C1GALT1: variants seen among roughly 807,000 people sequenced by gnomAD.
The protein encoded by C1GALT1 is glycoprotein-N-acetylgalactosamine 3-beta-galactosyltransferase 1.
A neutral mutation model predicts 31.0 loss-of-function variants in C1GALT1; 11 were observed. The ratio of observed to expected loss-of-function variants is 0.36; its 90% CI spans 0.22 to 0.59. The LOEUF is 0.59. Ranked by LOEUF, C1GALT1 falls within the 20% of genes least tolerant of loss-of-function variation. C1GALT1 has a pLI of 0.79. For synonymous variants in C1GALT1, 175 were observed against 143.6 expected (o/e 1.22, Z -1.56); for missense variants, 424 against 425.2 (o/e 1.00, Z 0.03).
chr7:7,247,242 T>C lies in C1GALT1; in HGVS notation c.*3515T>C, dbSNP rs966683507. 1 of 152,164 alleles carries C rather than the reference T, an allele frequency of 6.6e-6. No individual in the cohort carries two copies. The highest frequency in any genetic ancestry group is 1.5e-5 in the Non-Finnish European group (1 of 68,004). 9.4% of individuals were successfully genotyped at this position (152,164 alleles called of 1,614,324 possible). On this transcript the variant is annotated 3_prime_UTR_variant, in exon 4 of 4. Transcript: ENST00000436587. ...ATAGAGCACATAAAACCAGATTTCA[T>C]GATGATGATGTATTCACTATCTTTT...
rs1224105758 is a variant in C1GALT1, at chr7:7,158,976, GTCATAAACTATTAAGGGGT to G, written c.-18+1554_-18+1572del. On this transcript the variant is annotated intron_variant, in intron 2 of 3. Coordinates refer to the C1GALT1 transcript ENST00000429911. ...GAGCAGGGTTCTTGATCTGAGGGCG[GTCATAAACTATTAAGGGGT>G]TCAGGGAGTTTTTGAATCTTCTGAA... Among the ~76,000 whole-genome samples the G allele has an allele frequency of 2.0e-5, 3 of 152,246 alleles. No homozygotes were observed. The South Asian group carries it at 6.2e-4, about 32-fold the overall frequency.
chr7:7,185,600 G>A (rs534130081), intron 1 of C1GALT1, among the ~76,000 whole-genome samples: 15 of 152,310 alleles, frequency 9.8e-5, no homozygotes, highest in Admixed American at 4.6e-4. Flanking sequence ...CTGTGACTCT[G>A]TTATCACAAC....
chr7:7,202,074 A>G (rs118131307), intron 1 of C1GALT1, among the ~76,000 whole-genome samples: 1 of 152,254 alleles, frequency 6.6e-6, no homozygotes, highest in Non-Finnish European at 1.5e-5. Flanking sequence ...AATTAATCTC[A>G]GCTCCAGGTG....
chr7:7,203,000 G>C (rs568504234), intron 1 of C1GALT1, among the ~76,000 whole-genome samples: 1 of 151,282 alleles, frequency 6.6e-6, no homozygotes, highest in Non-Finnish European at 1.5e-5. Context: ...ATTACTTCAA[G>C]AAGTGTTCTA....
chr7:7,220,303 C>G (rs1782453172), intron 1 of C1GALT1, among the ~76,000 whole-genome samples: 1 of 152,128 alleles, frequency 6.6e-6, no homozygotes, highest in South Asian at 2.1e-4. Flanking sequence ...TCAGTGTTAG[C>G]TATTTTTATT....
chr7:7,215,539 G>T (rs891077065), intron 1 of C1GALT1, among the ~76,000 whole-genome samples: 15 of 152,074 alleles, frequency 9.9e-5, no homozygotes, highest in African/African-American at 3.4e-4. Context: ...CAGGTTGGAA[G>T]AACATTATAA....
At chr7:7,203,502 T>C (rs1403669376) in intron 1 of C1GALT1, among the ~76,000 whole-genome samples, 3 of 152,158 alleles carry the variant, frequency 2.0e-5, no homozygotes, top group Non-Finnish European at 2.9e-5. Context: ...ATTGCCTTGA[T>C]TGATTTCCAT....
intron 3 of C1GALT1, among the ~76,000 whole-genome samples, 194 bp downstream of exon 3, chr7:7,239,116 T>C (rs1783505559): frequency 6.6e-6 from 1 of 152,176 alleles, no homozygotes; most frequent in African/African-American, 2.4e-5. Flanking sequence ...ACTTAGCAAA[T>C]AGCTATTGAT....
chr7:7,215,286 C>CA (rs1323279304), intron 1 of C1GALT1, among the ~76,000 whole-genome samples: 1 of 152,142 alleles, frequency 6.6e-6, no homozygotes, highest in Non-Finnish European at 1.5e-5. Context: ...ATGCAAAGCA[C>CA]ACCAGATTGT....
chr7:7,212,355 A>G (rs190939750), intron 1 of C1GALT1, among the ~76,000 whole-genome samples: 75 of 152,306 alleles, frequency 4.9e-4, no homozygotes, highest in Middle Eastern at 3.4e-3. Flanking sequence ...AAAGGGAAAC[A>G]CACCCTTTCA....
chr7:7,202,923 C>T (rs75930125), intron 1 of C1GALT1, among the ~76,000 whole-genome samples: 6,003 of 152,000 alleles, frequency 0.039, 265 homozygotes, highest in African/African-American at 0.11. Flanking sequence ...TAGTTTTTGT[C>T]GTACAGATCT....
intron 2 of C1GALT1, among the ~76,000 whole-genome samples, chr7:7,235,972 C>T (rs1402177440): frequency 6.6e-6 from 1 of 152,190 alleles, no homozygotes; most frequent in African/African-American, 2.4e-5. Flanking sequence ...CTCAACCAAA[C>T]TTCACCATTC....
chr7:7,184,090 G>A (rs1371216072), intron 1 of C1GALT1, among the ~76,000 whole-genome samples: 1 of 152,168 alleles, frequency 6.6e-6, no homozygotes, highest in Non-Finnish European at 1.5e-5. Flanking sequence ...AATGGCAGTT[G>A]AGCTTAATGC....
At chr7:7,211,246 G>A (rs1221683062) in intron 1 of C1GALT1, among the ~76,000 whole-genome samples, 2 of 152,184 alleles carry the variant, frequency 1.3e-5, no homozygotes, top group Non-Finnish European at 1.5e-5. Context: ...TAAAAAAGGA[G>A]TTAACCAATT....
chr7:7,243,813 C>T lies in C1GALT1; in HGVS notation c.*86C>T. ...CATTTCTGACATAGAACACTGGAATCCCAGTGAGGAATTCTAAGTGAACAT... is the reference window on the plus strand; with the variant it reads ...CATTTCTGACATAGAACACTGGAATTCCAGTGAGGAATTCTAAGTGAACAT... On this transcript the variant is annotated 3_prime_UTR_variant, in exon 4 of 4. Coordinates refer to ENST00000436587, the MANE Select transcript of C1GALT1 (RefSeq NM_020156.5). 9 of 964,014 alleles carry T rather than the reference C, an allele frequency of 9.3e-6. No individual in the cohort carries two copies. Among genetic ancestry groups the T allele is most frequent in the East Asian group, 2.5e-5 (1 of 40,378 alleles). The allele number at this position is 964,014 out of a possible 1,614,324, so 59.7% of individuals were successfully genotyped here. A position where few individuals can be genotyped will look rare whatever the true frequency, so the allele number is the denominator to read the frequency against.
chr7:7,163,227 T>G lies in C1GALT1; in HGVS notation c.-18+5801T>G, dbSNP rs557793372. Among the ~76,000 whole-genome samples the G allele has an allele frequency of 1.2e-4, 19 of 152,336 alleles. No individual in the cohort carries two copies. In the East Asian group the frequency reaches 2.9e-3, roughly 23 times the overall value. ...CTGAATGGTAATGCCTAGCTTTTCTTCTAGGGTTTTTATGGTTTTAGGTCT... is the reference window on the plus strand; with the variant it reads ...CTGAATGGTAATGCCTAGCTTTTCTGCTAGGGTTTTTATGGTTTTAGGTCT... On this transcript the variant is annotated intron_variant, in intron 2 of 3. Transcript: ENST00000429911.
At position 7,238,911 on chromosome 7, in the gene C1GALT1, C is replaced by T. The variant is rs769548367; in HGVS notation, c.877C>T (p.Pro293Ser). ...TTGGTACTGGAATTACAACTATTATCCTCCTGTAGAGGTAAGTTTAGAAAT... is the reference window on the plus strand; with the variant it reads ...TTGGTACTGGAATTACAACTATTATTCTCCTGTAGAGGTAAGTTTAGAAAT... ...TFWYWNYNYY[P>S]PVEGPGCCSD... The change falls in exon 3 of 4, where the codon CCT becomes TCT. Residue 293 changes from proline (P) to serine (S), a missense_variant. Coordinates refer to ENST00000436587, the MANE Select transcript of C1GALT1 (RefSeq NM_020156.5). This position sits in a 1 kb window ranked among gnomAD's most constrained non-coding sequence, Gnocchi z 5.2. The T allele has an allele frequency of 2.2e-4, 352 of 1,606,508 alleles. No individual in the cohort carries two copies. The highest frequency in any genetic ancestry group is 2.9e-4 in the Non-Finnish European group (337 of 1,177,276).
intron 2 of C1GALT1, among the ~76,000 whole-genome samples, chr7:7,177,126 A>C (rs1474990606): frequency 1.3e-5 from 2 of 152,262 alleles, no homozygotes; most frequent in Non-Finnish European, 2.9e-5. Context: ...GCTGAAAGCA[A>C]GAAAAAACCA....
chr7:7,227,276 G>T (rs143987287), intron 1 of C1GALT1, among the ~76,000 whole-genome samples: 1 of 152,102 alleles, frequency 6.6e-6, no homozygotes, highest in Non-Finnish European at 1.5e-5. Flanking sequence ...AACTCATGTT[G>T]AAATTTAATT....
Sources: allele counts gnomAD v4.1 joint callset (sites outside exome capture counted in the v4.1 genomes callset), GRCh38; gene constraint gnomAD v4.1.1; non-coding constraint Gnocchi (gnomAD v3.1); transcripts MANE v1.5; gene names NCBI Gene and HGNC (gene_info 2026-07-23, HGNC 2026-07-21).